Variants in MAPT observed in about 807,000 individuals in gnomAD.
MAPT encodes the protein microtubule-associated protein tau.
In MAPT, 34 loss-of-function variants were observed where a neutral mutation model predicts 67.9. The ratio of observed to expected loss-of-function variants is 0.50; its 90% CI spans 0.38 to 0.67. The LOEUF (loss-of-function observed/expected upper bound fraction) is 0.67, where lower values mean the gene tolerates loss of function less well. MAPT is among the 30% of genes least tolerant of loss of function. The probability of loss-of-function intolerance (pLI) is 0.00; values close to 1 mark genes in which losing one functional copy is unlikely to be tolerated. For synonymous variants in MAPT, 456 were observed against 464.5 expected (o/e 0.98, Z 0.23); for missense variants, 881 against 1,115.2 (o/e 0.79, Z 2.99).
rs1362243150 is a variant in MAPT, at chr17:45,941,616, CCCCT to C, written c.-17-20704_-17-20701del. On this transcript the variant is annotated intron_variant, in intron 1 of 12. Coordinates refer to ENST00000262410, the MANE Select transcript of MAPT (RefSeq NM_001377265.1). ...CTTCCTTCCTTCCTTCCCTCCCTCC[CCCCT>C]TCCCTCCTTCCCTCTTTCCCTCCTT... Among the ~76,000 whole-genome samples the C allele has an allele frequency of 1.3e-3, 150 of 111,208 alleles. 2 individuals are homozygous for C. Among genetic ancestry groups the C allele is most frequent in the African/African-American group, 5.4e-3 (140 of 25,970 alleles). 73.0% of individuals were successfully genotyped at this position (111,208 alleles called of 152,430 possible).
At position 46,018,582 on chromosome 17, in the gene MAPT, T is replaced by G. The variant is rs767393610; in HGVS notation, c.2174-36T>G. 3.5e-6 allele frequency: 5 copies of G among 1,427,456 alleles called. No individual in the cohort carries two copies. In the South Asian group the frequency reaches 5.7e-5, roughly 16 times the overall value. 88.4% of individuals were successfully genotyped at this position (1,427,456 alleles called of 1,614,324 possible). A position where few individuals can be genotyped will look rare whatever the true frequency, so the allele number is the denominator to read the frequency against. On this transcript the variant is annotated intron_variant, in intron 11 of 12. Transcript: ENST00000262410. ...GTTAAGTCCACAGAACCACAGAAGA[T>G]GATGGCAAGATGCTCTTGTGTGTGT...
At chr17:45,958,118 C>T (rs1267102534) in intron 1 of MAPT, among the ~76,000 whole-genome samples, 1 of 152,142 alleles carries the variant, frequency 6.6e-6, no homozygotes, top group Non-Finnish European at 1.5e-5. Flanking sequence ...TTTTCAACCT[C>T]ACTCCATCTT....
rs773494693 is a variant in MAPT, at chr17:45,971,402, G to A, written c.134-457G>A. Among the ~76,000 whole-genome samples, 5 of 152,218 alleles carry A rather than the reference G, an allele frequency of 3.3e-5. No homozygotes were observed. The highest frequency in any genetic ancestry group is 7.2e-5 in the African/African-American group (3 of 41,462). On this transcript the variant is annotated intron_variant, in intron 2 of 12. Transcript: ENST00000262410. This position sits in a 1 kb window ranked among gnomAD's most constrained non-coding sequence, Gnocchi z 4.3. ...CAATGTCCACTTAGAAGTAAGCACC[G>A]TGTCTGCCCTGAGCTGACTCCTTTT...
At chr17:45,966,760 T>A (rs1424392426) in intron 2 of MAPT, among the ~76,000 whole-genome samples, 1 of 152,184 alleles carries the variant, frequency 6.6e-6, no homozygotes, top group Non-Finnish European at 1.5e-5. Flanking sequence ...TAAAACATGA[T>A]CAGAAGTTCT....
intron 1 of MAPT, among the ~76,000 whole-genome samples, chr17:45,929,251 C>A (rs538292820): frequency 1.3e-4 from 20 of 152,306 alleles, no homozygotes; most frequent in African/African-American, 4.8e-4. Flanking sequence ...TTACATGGGG[C>A]AAGCCCAGTG....
intron 1 of MAPT, among the ~76,000 whole-genome samples, chr17:45,946,165 T>C (rs1234878698): frequency 6.6e-6 from 1 of 152,130 alleles, no homozygotes; most frequent in East Asian, 1.9e-4. Flanking sequence ...TCTCATCCAC[T>C]TGGGGCTCTG....
At chr17:45,938,436 A>G (rs1320900005) in intron 1 of MAPT, among the ~76,000 whole-genome samples, 2 of 152,172 alleles carry the variant, frequency 1.3e-5, no homozygotes, top group African/African-American at 4.8e-5. Context: ...CCTCTTCCAC[A>G]TGTCAGGACC....
At chr17:45,964,195 TG>T (rs113564199) in intron 2 of MAPT, among the ~76,000 whole-genome samples, 177 of 151,788 alleles carry the variant, frequency 1.2e-3, no homozygotes, top group African/African-American at 3.8e-3. Context: ...TCCTTTGTTT[TG>T]TTTTTTTTTG....
chr17:45,906,536 G>C lies in MAPT; in HGVS notation c.-18+11850G>C, dbSNP rs1407849523. On this transcript the variant is annotated intron_variant, in intron 1 of 12. Coordinates refer to ENST00000262410, the MANE Select transcript of MAPT (RefSeq NM_001377265.1). The surrounding 1 kb of genome is among the most constrained non-coding windows in gnomAD (Gnocchi z 4.3). ...TGCACCTGGCATTTGAATTGAGCCA[G>C]AGCGGGGCTAAAGTCAGTTTGCCTT... Among the ~76,000 whole-genome samples the C allele has an allele frequency of 6.6e-6, 1 of 152,160 alleles. No individual in the cohort carries two copies. The highest frequency in any genetic ancestry group is 1.9e-4 in the East Asian group (1 of 5,186).
rs1239852479 is a variant in MAPT, at chr17:45,897,730, C to G, written c.-18+3044C>G. 6.6e-6 allele frequency: 1 copy of G among 152,338 alleles called. No individual in the cohort carries two copies. Among genetic ancestry groups the G allele is most frequent in the Non-Finnish European group, 1.5e-5 (1 of 68,170 alleles). The allele number at this position is 152,338 out of a possible 1,614,324, so 9.4% of individuals were successfully genotyped here. On this transcript the variant is annotated intron_variant, in intron 1 of 12. Transcript: ENST00000262410. The surrounding 1 kb of genome is among the most constrained non-coding windows in gnomAD (Gnocchi z 5.0). Reference sequence around the variant, plus strand: ...CACCTGTAACTCCAAACCTCCGTCTCAGAATGGTCCAGGCTGGAAGGGATG... The same window carrying G: ...CACCTGTAACTCCAAACCTCCGTCTGAGAATGGTCCAGGCTGGAAGGGATG...
chr17:45,932,880 G>A lies in MAPT; in HGVS notation c.-17-29441G>A, dbSNP rs191159747. 3.9e-5 allele frequency among the ~76,000 whole-genome samples: 6 copies of A among 151,958 alleles called. No individual in the cohort carries two copies. The East Asian group carries it at 7.8e-4, about 20-fold the overall frequency. ...GTGGATCACTTGATGTCAGGAGTTC[G>A]AGACCAGCCTAACCAACATGATGAA... On this transcript the variant is annotated intron_variant, in intron 1 of 12. Coordinates refer to ENST00000262410, the MANE Select transcript of MAPT (RefSeq NM_001377265.1).
chr17:45,978,646 T>A, intron 4 of MAPT: 1 of 581,628 alleles, frequency 1.7e-6, no homozygotes, highest in Non-Finnish European at 3.1e-6. Flanking sequence ...GGGTAATTCC[T>A]AAGGCATTTA....
intron 8 of MAPT, among the ~76,000 whole-genome samples, chr17:45,992,336 A>T (rs917110350): frequency 2.6e-5 from 4 of 152,154 alleles, no homozygotes; most frequent in Non-Finnish European, 5.9e-5. Context: ...TTCAGTCCCC[A>T]AATGAGACTC....
intron 1 of MAPT, among the ~76,000 whole-genome samples, chr17:45,910,300 C>A (rs2064673860): frequency 6.6e-6 from 1 of 152,146 alleles, no homozygotes; most frequent in African/African-American, 2.4e-5. Context: ...TGAAAAATTC[C>A]TTCCCCTCTT....
chr17:45,903,588 G>A (rs1461226732), intron 1 of MAPT, among the ~76,000 whole-genome samples: 8 of 148,208 alleles, frequency 5.4e-5, no homozygotes, highest in African/African-American at 1.7e-4. Flanking sequence ...GGTGGCGGGC[G>A]CCTGTAGTCC....
At chr17:45,903,202 G>A (rs921061212) in intron 1 of MAPT, among the ~76,000 whole-genome samples, 2 of 152,290 alleles carry the variant, frequency 1.3e-5, no homozygotes, top group South Asian at 2.1e-4. Flanking sequence ...CTCCCCCAGC[G>A]TAAAGGACAG....
At chr17:45,934,489 G>T (rs1295949716) in intron 1 of MAPT, among the ~76,000 whole-genome samples, 2 of 151,968 alleles carry the variant, frequency 1.3e-5, no homozygotes, top group Non-Finnish European at 2.9e-5. Context: ...TTAAAAAAAT[G>T]TTGGCTGGAC....
intron 1 of MAPT, among the ~76,000 whole-genome samples, chr17:45,902,579 A>G (rs1303668590): frequency 6.6e-6 from 1 of 152,166 alleles, no homozygotes; most frequent in African/African-American, 2.4e-5. Flanking sequence ...CCTACTGGGG[A>G]AACTTATAAA....
chr17:45,969,791 C>A (rs761202816), intron 2 of MAPT, among the ~76,000 whole-genome samples: 1 of 152,148 alleles, frequency 6.6e-6, no homozygotes, highest in Non-Finnish European at 1.5e-5. Context: ...ATCCTTCCTT[C>A]CATCCATCAT....
Sources: allele counts gnomAD v4.1 joint callset (sites outside exome capture counted in the v4.1 genomes callset), GRCh38; gene constraint gnomAD v4.1.1; non-coding constraint Gnocchi (gnomAD v3.1); transcripts MANE v1.5; gene names NCBI Gene and HGNC (gene_info 2026-07-23, HGNC 2026-07-21).